INVS: variants seen among roughly 807,000 people sequenced by gnomAD.
The protein encoded by INVS is inversin.
INVS carries 86 observed loss-of-function variants against 108.8 expected under a neutral mutation model. That is an observed-to-expected ratio of 0.79 (90% confidence interval 0.66 to 0.95). The LOEUF (loss-of-function observed/expected upper bound fraction) is 0.95, where lower values mean the gene tolerates loss of function less well. Ranked by LOEUF, INVS falls within the 40% of genes least tolerant of loss-of-function variation. The probability of loss-of-function intolerance (pLI) is 0.00; values close to 1 mark genes in which losing one functional copy is unlikely to be tolerated. For missense variants in INVS, 1,169 were observed against 1,297.4 expected, an observed-to-expected ratio of 0.90 and a Z score of 1.52; for synonymous variants, 455 against 473.5, an observed-to-expected ratio of 0.96 and a Z score of 0.51.
At chr9:100,232,451 G>A (rs1040367948) in intron 5 of INVS, among the ~76,000 whole-genome samples, 1 of 152,166 alleles carries the variant, frequency 6.6e-6, no homozygotes, top group South Asian at 2.1e-4. Context: ...GAATGGTATC[G>A]CCTAGGTTTT....
chr9:100,284,378 C>A lies in INVS; in HGVS notation c.1843C>A (p.Pro615Thr). 1 of 1,613,810 alleles carries A rather than the reference C, an allele frequency of 6.2e-7. No individual in the cohort carries two copies. ...EAEQQKGRRS[P>T]DSCRPQALPC... ...AGAACAGCAAAAAGGAAGGCGGAGCCCAGATTCCTGCAGACCCCAGGCCCT... is the reference window on the plus strand; with the variant it reads ...AGAACAGCAAAAAGGAAGGCGGAGCACAGATTCCTGCAGACCCCAGGCCCT... Residue 615 changes from proline (P) to threonine (T), a missense_variant, in exon 13 of 17, where the codon CCA (proline) becomes ACA (threonine). Physicochemically the swap from Pro to Thr is conservative, Grantham distance 38. This residue lies in a region of INVS where 271 missense variants were observed against 363.8 expected (regional missense o/e 0.74). Coordinates refer to ENST00000262457, the MANE Select transcript of INVS (RefSeq NM_014425.5).
chr9:100,280,273 G>T (rs972728337), intron 12 of INVS, among the ~76,000 whole-genome samples: 1 of 152,182 alleles, frequency 6.6e-6, no homozygotes, highest in Non-Finnish European at 1.5e-5. Context: ...GACAGCCCCA[G>T]TCCCATCAGC....
In INVS at chr9:100,157,267, C is replaced by CTTTTTTTTTTTTTTTTTTT. The variant is rs770493291; in HGVS notation, c.273+30733_273+30734insTTTTTTTTTTTTTTTTTTT. On this transcript the variant is annotated intron_variant, in intron 3 of 16. Coordinates refer to ENST00000262457, the MANE Select transcript of INVS (RefSeq NM_014425.5). ...GAAATAGTAAAAATTTCTTTTTTTTCTTTTTTTTTTTTTTTGAGGCAGAGT... is the reference window on the plus strand; with the variant it reads ...GAAATAGTAAAAATTTCTTTTTTTTCTTTTTTTTTTTTTTTTTTTTTTTTTTTTTTTTTTGAGGCAGAGT... 6.1e-3 allele frequency among the ~76,000 whole-genome samples: 796 copies of CTTTTTTTTTTTTTTTTTTT among 130,000 alleles called. 22 individuals carry two copies. Among genetic ancestry groups the CTTTTTTTTTTTTTTTTTTT allele is most frequent in the African/African-American group, 0.016 (478 of 30,460 alleles). 85.3% of individuals were successfully genotyped at this position (130,000 alleles called of 152,430 possible). A position where few individuals can be genotyped will look rare whatever the true frequency, so the allele number is the denominator to read the frequency against.
At chr9:100,252,505 A>G in intron 9 of INVS, 67 bp downstream of exon 9, 1 of 1,428,060 alleles carries the variant, frequency 7.0e-7, no homozygotes, top group South Asian at 1.2e-5. Context: ...TACTCTGTTT[A>G]AGATAAAGCT....
chr9:100,197,100 A>G (rs1830400048), intron 3 of INVS, among the ~76,000 whole-genome samples: 1 of 152,172 alleles, frequency 6.6e-6, no homozygotes, highest in Admixed American at 6.5e-5. Flanking sequence ...CATGCTTCAG[A>G]CACCAGTTAC....
At chr9:100,182,499 T>C (rs1829921953) in intron 3 of INVS, among the ~76,000 whole-genome samples, 1 of 152,128 alleles carries the variant, frequency 6.6e-6, no homozygotes, top group Non-Finnish European at 1.5e-5. Flanking sequence ...AAAGACGACA[T>C]TATTGCGGCC....
At chr9:100,118,400 G>T (rs1275691295) in intron 2 of INVS, among the ~76,000 whole-genome samples, 3 of 151,218 alleles carry the variant, frequency 2.0e-5, no homozygotes, top group Non-Finnish European at 4.4e-5. Context: ...GTAGAAACGG[G>T]GTTTCACCAT....
chr9:100,214,273 G>A (rs1830921306), intron 3 of INVS, among the ~76,000 whole-genome samples: 1 of 152,110 alleles, frequency 6.6e-6, no homozygotes, highest in Non-Finnish European at 1.5e-5. Context: ...ACCCATGCAA[G>A]GGAGTTTAGA....
chr9:100,273,527 C>CT (rs58458085), intron 12 of INVS, among the ~76,000 whole-genome samples: 8,127 of 95,478 alleles, frequency 0.085, 1,719 homozygotes, highest in East Asian at 0.35. Flanking sequence ...CCACTCAGTT[C>CT]TTTTTTTTTT....
chr9:100,119,838 G>A (rs915925482), intron 2 of INVS, among the ~76,000 whole-genome samples: 4 of 152,164 alleles, frequency 2.6e-5, no homozygotes, highest in East Asian at 1.9e-4. Context: ...GATTACAGGC[G>A]TGAGCCGCTG....
chr9:100,251,127 TATA>T (rs1169211921), intron 8 of INVS, among the ~76,000 whole-genome samples: 2 of 152,268 alleles, frequency 1.3e-5, no homozygotes, highest in African/African-American at 4.8e-5. Flanking sequence ...ATTATCACTA[TATA>T]ATAACTTTAT....
chr9:100,171,829 T>A (rs2476441), intron 3 of INVS, among the ~76,000 whole-genome samples: 104,098 of 151,964 alleles, frequency 0.69, 36,763 homozygotes, highest in East Asian at 0.91. Context: ...ATCAAGTATA[T>A]CATTGGCAAA....
At chr9:100,135,364 A>T (rs1032491062) in intron 3 of INVS, among the ~76,000 whole-genome samples, 1 of 152,148 alleles carries the variant, frequency 6.6e-6, no homozygotes, top group Non-Finnish European at 1.5e-5. Context: ...AACATGCAGC[A>T]GAATCACTTG....
intron 3 of INVS, among the ~76,000 whole-genome samples, chr9:100,208,675 G>C (rs945307012): frequency 2.0e-5 from 3 of 152,138 alleles, no homozygotes; most frequent in African/African-American, 7.2e-5. Context: ...AAGGAACCAG[G>C]AGTTAAACAA....
intron 7 of INVS, among the ~76,000 whole-genome samples, chr9:100,245,415 G>C (rs1448871465): frequency 6.6e-6 from 1 of 152,058 alleles, no homozygotes; most frequent in African/African-American, 2.4e-5. Context: ...GAGTAGCTGG[G>C]ACTACAGGCA....
At chr9:100,147,642 A>G (rs148603142) in intron 3 of INVS, among the ~76,000 whole-genome samples, 33 of 152,262 alleles carry the variant, frequency 2.2e-4, no homozygotes, top group African/African-American at 7.7e-4. Flanking sequence ...AATGATATAT[A>G]TAGAAGGTTT....
intron 3 of INVS, among the ~76,000 whole-genome samples, chr9:100,195,922 A>C (rs1462799717): frequency 6.6e-6 from 1 of 152,304 alleles, no homozygotes; most frequent in East Asian, 1.9e-4. Context: ...ATTGGTCTAT[A>C]GTTTAGTTGT....
chr9:100,298,216 A>T (rs930365529), intron 16 of INVS: 4 of 1,467,402 alleles, frequency 2.7e-6, no homozygotes, highest in Non-Finnish European at 3.6e-6. Context: ...TATTGTTAAC[A>T]TTAACTCCAA....
intron 6 of INVS, 128 bp from the exon 7 acceptor site, chr9:100,242,442 T>C: frequency 1.5e-6 from 1 of 646,958 alleles, no homozygotes; most frequent in Non-Finnish European, 2.8e-6. Flanking sequence ...CATTGGGGGC[T>C]GCTGTTCAGA....
Sources: gnomAD v4.1 joint callset for allele counts (sites outside exome capture counted in the v4.1 genomes callset) on GRCh38, gnomAD v4.1.1 for gene constraint, gnomAD v4.1.1 regional missense constraint, MANE v1.5 for transcripts, NCBI Gene and HGNC (gene_info 2026-07-23, HGNC 2026-07-21) for gene names.